Variants in CALN1 observed in about 807,000 individuals in gnomAD.
CALN1 encodes calcium-binding protein 8.
In CALN1, 17 loss-of-function variants were observed where a neutral mutation model predicts 30.6. The observed-to-expected ratio is 0.56, with a 90% CI of 0.38 to 0.83. CALN1 has a LOEUF of 0.83. CALN1 is among the 40% of genes least tolerant of loss of function. CALN1 has a pLI of 0.00. For missense variants in CALN1, 291 were observed against 354.9 expected (o/e 0.82, Z 1.45); for synonymous variants, 156 against 131.4 (o/e 1.19, Z -1.28).
chr7:72,306,190 CT>C (rs1453345344), intron 2 of CALN1, among the ~76,000 whole-genome samples: 1 of 152,144 alleles, frequency 6.6e-6, no homozygotes, highest in Non-Finnish European at 1.5e-5. Context: ...AAACATGTTT[CT>C]TTGCCATATT....
chr7:72,135,422 G>T (rs1239200284), intron 3 of CALN1, among the ~76,000 whole-genome samples: 1 of 152,164 alleles, frequency 6.6e-6, no homozygotes, highest in African/African-American at 2.4e-5. Context: ...ATGGGCTGCA[G>T]AACGGATGCT....
chr7:72,186,847 AT>A (rs1790226958), intron 3 of CALN1, among the ~76,000 whole-genome samples: 1 of 131,902 alleles, frequency 7.6e-6, no homozygotes. Context: ...TGACTTTGCT[AT>A]TGTGAATAGT....
chr7:72,152,988 A>G (rs964576091), intron 3 of CALN1, among the ~76,000 whole-genome samples: 1 of 152,226 alleles, frequency 6.6e-6, no homozygotes, highest in African/African-American at 2.4e-5. Context: ...TGTCCCTTTC[A>G]TGGCTGAGTA....
chr7:71,814,886 T>G (rs933791107), intron 5 of CALN1, among the ~76,000 whole-genome samples: 15 of 150,702 alleles, frequency 1.0e-4, no homozygotes, highest in African/African-American at 3.4e-4. Flanking sequence ...CACCCTGGAG[T>G]GCAGTGACGC....
At chr7:71,813,893 T>G (rs1254660517) in intron 5 of CALN1, among the ~76,000 whole-genome samples, 2 of 142,064 alleles carry the variant, frequency 1.4e-5, no homozygotes, top group Admixed American at 7.4e-5. Context: ...ATTGTGTCAC[T>G]GCACTCCAGC....
At chr7:72,212,090 T>A (rs527959483) in intron 3 of CALN1, among the ~76,000 whole-genome samples, 8 of 152,074 alleles carry the variant, frequency 5.3e-5, no homozygotes, top group East Asian at 1.9e-4. Context: ...CGGTGACTCA[T>A]GCCTGTAATC....
intron 5 of CALN1, among the ~76,000 whole-genome samples, chr7:71,817,125 T>C (rs1180567706): frequency 6.6e-6 from 1 of 152,244 alleles, no homozygotes; most frequent in Admixed American, 6.5e-5. Context: ...AAAAAATCAC[T>C]GTAAAACAAT....
At chr7:71,941,344 G>T in intron 5 of CALN1, among the ~76,000 whole-genome samples, 1 of 126,406 alleles carries the variant, frequency 7.9e-6, no homozygotes, top group South Asian at 2.5e-4. Flanking sequence ...GAGTGAGACT[G>T]CATCTCAAAA....
At chr7:71,981,376 T>C (rs1458778624) in intron 5 of CALN1, among the ~76,000 whole-genome samples, 1 of 151,892 alleles carries the variant, frequency 6.6e-6, no homozygotes, top group African/African-American at 2.4e-5. Context: ...GAGGCATCCA[T>C]AAAAACCCAA....
intron 5 of CALN1, among the ~76,000 whole-genome samples, chr7:71,974,940 G>A (rs1798031785): frequency 6.6e-6 from 1 of 152,122 alleles, no homozygotes; most frequent in Admixed American, 6.6e-5. Flanking sequence ...GAGATGTTTT[G>A]CTCTCTGTTC....
intron 3 of CALN1, among the ~76,000 whole-genome samples, chr7:72,181,109 C>G (rs1173068330): frequency 3.0e-4 from 16 of 53,402 alleles, no homozygotes; most frequent in African/African-American, 7.8e-4. Context: ...CCCCCCCCCC[C>G]CAAAAAAAAA....
chr7:72,493,056 C>G, the CALN1 span, among the ~76,000 whole-genome samples: 1 of 152,124 alleles, frequency 6.6e-6, no homozygotes. Flanking sequence ...AATTTGGCAA[C>G]TATCACCACA....
At chr7:72,109,164 G>A (rs1807385976) in intron 3 of CALN1, among the ~76,000 whole-genome samples, 1 of 152,168 alleles carries the variant, frequency 6.6e-6, no homozygotes, top group South Asian at 2.1e-4. Flanking sequence ...TATATTAGTA[G>A]TAAATTCATT....
chr7:71,963,020 C>T (rs1458463419), intron 5 of CALN1, among the ~76,000 whole-genome samples: 1 of 152,110 alleles, frequency 6.6e-6, no homozygotes, highest in East Asian at 1.9e-4. Context: ...CAGGTTTAAA[C>T]ATAGGTATCC....
At chr7:72,169,305 T>C (rs1005877421) in intron 3 of CALN1, among the ~76,000 whole-genome samples, 2 of 152,032 alleles carry the variant, frequency 1.3e-5, no homozygotes, top group African/African-American at 4.8e-5. Flanking sequence ...ATCTTTTTGC[T>C]TTGTTAGTTT....
At chr7:72,002,369 A>G (rs2129528645) in intron 5 of CALN1, among the ~76,000 whole-genome samples, 1 of 152,356 alleles carries the variant, frequency 6.6e-6, no homozygotes, top group Non-Finnish European at 1.5e-5. Context: ...TTATAATAAA[A>G]TGTTGACCAT....
intron 2 of CALN1, among the ~76,000 whole-genome samples, chr7:72,331,634 C>T (rs1447527696): frequency 6.6e-6 from 1 of 152,154 alleles, no homozygotes; most frequent in African/African-American, 2.4e-5. Flanking sequence ...CTAATAGTCA[C>T]AGAATATCTA....
chr7:72,366,078 G>T (rs536273360), intron 2 of CALN1, among the ~76,000 whole-genome samples: 1 of 152,220 alleles, frequency 6.6e-6, no homozygotes, highest in East Asian at 1.9e-4. Flanking sequence ...AAAATGAGAA[G>T]TACAAGAAAT....
At chr7:72,033,259 C>T (rs993351711) in intron 4 of CALN1, among the ~76,000 whole-genome samples, 2 of 151,956 alleles carry the variant, frequency 1.3e-5, no homozygotes, top group East Asian at 3.9e-4. Flanking sequence ...AGCCAAAATT[C>T]TCATAAGGAG....
Sources: allele counts gnomAD v4.1 joint callset (sites outside exome capture counted in the v4.1 genomes callset), GRCh38; gene constraint gnomAD v4.1.1; transcripts MANE v1.5; gene names NCBI Gene and HGNC (gene_info 2026-07-23, HGNC 2026-07-21).